ATP2C2: variants seen among roughly 807,000 people sequenced by gnomAD.
The protein encoded by ATP2C2 is ATPase secretory pathway Ca2+ transporting 2, also known as calcium-transporting ATPase type 2C member 2.
In ATP2C2, 171 loss-of-function variants were observed where a neutral mutation model predicts 110.8. That is an observed-to-expected ratio of 1.54 (90% CI 1.36 to 1.75). The LOEUF (loss-of-function observed/expected upper bound fraction) is 1.75. ATP2C2 is among the 40% of genes most tolerant of loss of function. The pLI is 0.00. For synonymous variants in ATP2C2, 804 were observed against 508.4 expected (o/e 1.58, Z -7.82); for missense variants, 1,963 against 1,235.0 (o/e 1.59, Z -8.84).
At chr16:84,451,101 G>A (rs889900212) in intron 17 of ATP2C2, among the ~76,000 whole-genome samples, 26 of 152,150 alleles carry the variant, frequency 1.7e-4, no homozygotes, top group African/African-American at 5.8e-4. Flanking sequence ...TCAGTTCCAC[G>A]TGGCTGGGGA....
chr16:84,431,748 T>C (rs979886155), intron 11 of ATP2C2, among the ~76,000 whole-genome samples: 1 of 152,174 alleles, frequency 6.6e-6, no homozygotes, highest in African/African-American at 2.4e-5. Context: ...CTCCTATTCC[T>C]AACCTCATCA....
Position 84,373,238 on chromosome 16 carries a change from G to A in ATP2C2, c.99+4524G>A, listed in dbSNP as rs193203907. Among the ~76,000 whole-genome samples, 12 of 152,132 alleles carry A rather than the reference G, an allele frequency of 7.9e-5. 1 individual carries two copies. The highest frequency in any genetic ancestry group is 7.9e-4 in the Admixed American group (12 of 15,268). On this transcript the variant is annotated intron_variant, in intron 1 of 26. Coordinates refer to ENST00000262429, the MANE Select transcript of ATP2C2 (RefSeq NM_014861.4). ...AATCAGGCTGGGCATGGTGGCTTAC[G>A]CCTGTAATCCCAGCACTTTGGAAAG...
intron 2 of ATP2C2, among the ~76,000 whole-genome samples, chr16:84,399,078 C>G (rs1348298021): frequency 6.6e-6 from 1 of 152,256 alleles, no homozygotes; most frequent in Non-Finnish European, 1.5e-5. Context: ...TCCCAAGTTT[C>G]TCAAGTGAGT....
At chr16:84,434,172 C>T (rs947912088) in intron 11 of ATP2C2, among the ~76,000 whole-genome samples, 3 of 152,064 alleles carry the variant, frequency 2.0e-5, no homozygotes, top group African/African-American at 7.2e-5. Context: ...AACCCCAGCA[C>T]TTTGGGAGGC....
intron 23 of ATP2C2, 106 bp downstream of exon 23, chr16:84,459,492 C>T: frequency 1.3e-6 from 2 of 1,589,272 alleles, no homozygotes; most frequent in Non-Finnish European, 1.7e-6. Flanking sequence ...ACAAATACAG[C>T]CACTTTCCAT....
intron 15 of ATP2C2, among the ~76,000 whole-genome samples, chr16:84,444,514 C>T (rs1391489337): frequency 1.3e-5 from 2 of 152,182 alleles, no homozygotes; most frequent in Non-Finnish European, 2.9e-5. Context: ...TATTTTTCTT[C>T]CATTCACAGA....
intron 3 of ATP2C2, among the ~76,000 whole-genome samples, chr16:84,406,801 G>T (rs1712898239): frequency 6.6e-6 from 1 of 152,062 alleles, no homozygotes; most frequent in Non-Finnish European, 1.5e-5. Flanking sequence ...AGATCTCTTT[G>T]CTCTGCCCTG....
chr16:84,382,634 C>T (rs1283090243), intron 1 of ATP2C2, among the ~76,000 whole-genome samples: 1 of 152,202 alleles, frequency 6.6e-6, no homozygotes, highest in Non-Finnish European at 1.5e-5. Flanking sequence ...TGGCTCACAC[C>T]TGTAATCCTA....
chr16:84,375,474 C>G (rs957417314), intron 1 of ATP2C2, among the ~76,000 whole-genome samples: 3 of 149,476 alleles, frequency 2.0e-5, no homozygotes. Flanking sequence ...CGGGGAGGCA[C>G]ATGTTGCAGT....
At chr16:84,392,951 C>T (rs756363895) in intron 1 of ATP2C2, among the ~76,000 whole-genome samples, 24 of 152,170 alleles carry the variant, frequency 1.6e-4, no homozygotes, top group Non-Finnish European at 2.2e-4. Context: ...GTTTGGCTGC[C>T]TGACAGCGTA....
intron 21 of ATP2C2, 60 bp from the exon 22 acceptor site, chr16:84,459,055 CCGATG>C: frequency 6.4e-7 from 1 of 1,562,980 alleles, no homozygotes; most frequent in East Asian, 2.2e-5. Flanking sequence ...CTTGCAGCAA[CCGATG>C]CACTGGTCCA....
intron 11 of ATP2C2, among the ~76,000 whole-genome samples, chr16:84,436,489 C>G (rs1029678344): frequency 6.6e-6 from 1 of 152,168 alleles, no homozygotes; most frequent in African/African-American, 2.4e-5. Flanking sequence ...GGGTGGGTTG[C>G]AGGTGTGGTG....
chr16:84,398,921 A>G (rs773036833), intron 2 of ATP2C2, among the ~76,000 whole-genome samples: 1 of 152,246 alleles, frequency 6.6e-6, no homozygotes, highest in Non-Finnish European at 1.5e-5. Flanking sequence ...GTTGAGACAC[A>G]GAAAGTAGCA....
intron 1 of ATP2C2, among the ~76,000 whole-genome samples, chr16:84,370,526 G>A (rs1344034615): frequency 6.6e-6 from 1 of 152,140 alleles, no homozygotes; most frequent in Admixed American, 6.5e-5. Context: ...GTGGCTGGGC[G>A]AGGCACTCAC....
rs187542921 is a variant in ATP2C2 at position 84,402,851 on chromosome 16, G to A, written c.211-2277G>A. Among the ~76,000 whole-genome samples, 636 of 152,258 alleles carry A rather than the reference G, an allele frequency of 4.2e-3. 3 individuals carry two copies. The highest frequency in any genetic ancestry group is 0.013 in the South Asian group (65 of 4,820). On this transcript the variant is annotated intron_variant, in intron 2 of 26. Coordinates refer to ENST00000262429, the MANE Select transcript of ATP2C2 (RefSeq NM_014861.4). ...CTCATCTGTTTTTTGGAATTATTTA[G>A]TAGGATTGGTATCGCTTCTTCGAGT...
chr16:84,392,868 C>T (rs2151410572), intron 1 of ATP2C2, among the ~76,000 whole-genome samples: 1 of 152,306 alleles, frequency 6.6e-6, no homozygotes, highest in East Asian at 1.9e-4. Context: ...TTCAACGTGT[C>T]TATTATCTCC....
In ATP2C2 at chr16:84,423,223, G is replaced by C; in HGVS notation, c.879G>C (p.Arg293Ser). The change falls in exon 10 of 27, where the codon AGG (arginine) becomes AGC (serine). Residue 293 changes from arginine to serine, a missense_variant. Transcript: ENST00000262429. Reference sequence around the variant, plus strand: ...CTCCTTTGCAGAAAAGCATGGACAGGCTAGGAAAGCAACTGACACTCTTCT... The same window carrying C: ...CTCCTTTGCAGAAAAGCATGGACAGCCTAGGAAAGCAACTGACACTCTTCT... ...PKTPLQKSMD[R>S]LGKQLTLFSF... The C allele has an allele frequency of 6.2e-7, 1 of 1,614,140 alleles. No homozygotes were observed. Among genetic ancestry groups the C allele is most frequent in the Non-Finnish European group, 8.5e-7 (1 of 1,180,020 alleles).
At chr16:84,390,688 T>C (rs993628601) in intron 1 of ATP2C2, among the ~76,000 whole-genome samples, 1 of 152,114 alleles carries the variant, frequency 6.6e-6, no homozygotes, top group Non-Finnish European at 1.5e-5. Context: ...GTGAAAGTGT[T>C]TGGGGATGAG....
chr16:84,402,954 C>G (rs1231327383), intron 2 of ATP2C2, among the ~76,000 whole-genome samples: 1 of 152,072 alleles, frequency 6.6e-6, no homozygotes, highest in Non-Finnish European at 1.5e-5. Flanking sequence ...TGGCTTTGAT[C>G]TTATTACTTG....
Sources: gnomAD v4.1 joint callset for allele counts (sites outside exome capture counted in the v4.1 genomes callset) on GRCh38, gnomAD v4.1.1 for gene constraint, MANE v1.5 for transcripts, NCBI Gene and HGNC (gene_info 2026-07-23, HGNC 2026-07-21) for gene names.